SLC5A4: variants seen among roughly 807,000 people sequenced by gnomAD.
The protein encoded by SLC5A4 is probable glucose sensor protein SLC5A4.
In SLC5A4, 55 loss-of-function variants were observed where a neutral mutation model predicts 70.3. That is an observed-to-expected ratio of 0.78 (90% CI 0.63 to 0.98). The LOEUF (loss-of-function observed/expected upper bound fraction) is 0.98, where lower values mean the gene tolerates loss of function less well. SLC5A4 is among the 50% of genes least tolerant of loss of function. The pLI, the probability that SLC5A4 is intolerant of heterozygous loss-of-function variation, is 0.00. For missense variants in SLC5A4, 735 were observed against 839.2 expected, an observed-to-expected ratio of 0.88 and a Z score of 1.53; for synonymous variants, 268 against 305.7, an observed-to-expected ratio of 0.88 and a Z score of 1.29.
chr22:32,337,880 A>C, the SLC5A4 span, among the ~76,000 whole-genome samples: 1 of 151,708 alleles, frequency 6.6e-6, no homozygotes, highest in Non-Finnish European at 1.5e-5. Context: ...CAAAAGAACT[A>C]AGAAGTGATA....
At chr22:32,249,199 G>A (rs906274518) in intron 3 of SLC5A4, among the ~76,000 whole-genome samples, 2 of 152,186 alleles carry the variant, frequency 1.3e-5, no homozygotes, top group Non-Finnish European at 2.9e-5. Context: ...ATACAGTGAC[G>A]ATAATAATAT....
the SLC5A4 span, among the ~76,000 whole-genome samples, chr22:32,261,186 C>T: frequency 8.6e-4 from 131 of 152,332 alleles, no homozygotes; most frequent in African/African-American, 3.0e-3. Flanking sequence ...ACTCCTCTCC[C>T]GTTTGGTCAG....
At chr22:32,275,108 GCTCT>G in the SLC5A4 span, among the ~76,000 whole-genome samples, 1 of 152,038 alleles carries the variant, frequency 6.6e-6, no homozygotes, top group Non-Finnish European at 1.5e-5. Flanking sequence ...TACACTAATG[GCTCT>G]CTCTGTGTCT....
the SLC5A4 span, among the ~76,000 whole-genome samples, chr22:32,294,049 CTT>C: frequency 1.1e-3 from 168 of 151,448 alleles, no homozygotes; most frequent in African/African-American, 3.7e-3. Context: ...AAGGTTTTCT[CTT>C]TGTCTTCTAC....
In SLC5A4 at chr22:32,237,229, AGG is replaced by A; in HGVS notation, c.664+13_664+14del. ...TTTCCAGGCCCTGGGCACTGCACGC[AGG>A]GTCATCACTTACCAAACCCCATGAG... is the stretch of plus-strand genomic sequence containing the variant. On this transcript the variant is annotated intron_variant, in intron 7 of 14. Coordinates refer to ENST00000266086, the MANE Select transcript of SLC5A4 (RefSeq NM_014227.3). 1 of 1,590,502 alleles carries A rather than the reference AGG, an allele frequency of 6.3e-7. No individual in the cohort carries two copies. The highest frequency in any genetic ancestry group is 8.6e-7 in the Non-Finnish European group (1 of 1,162,874).
At chr22:32,338,307 G>A in the SLC5A4 span, among the ~76,000 whole-genome samples, 2 of 151,832 alleles carry the variant, frequency 1.3e-5, no homozygotes, top group African/African-American at 2.4e-5. Context: ...ACTCACGAGA[G>A]GAAATACAGT....
the SLC5A4 span, among the ~76,000 whole-genome samples, chr22:32,305,276 G>A: frequency 6.6e-6 from 1 of 151,996 alleles, no homozygotes; most frequent in Non-Finnish European, 1.5e-5. Flanking sequence ...AAGTGTGGCT[G>A]TGTGAAGACA....
the SLC5A4 span, chr22:32,271,975 T>C: frequency 1.5e-5 from 9 of 600,666 alleles, no homozygotes; most frequent in East Asian, 1.0e-4. Context: ...TTTGAGACCA[T>C]TGAGAGAGAT....
chr22:32,281,032 G>A, the SLC5A4 span, among the ~76,000 whole-genome samples: 1 of 152,122 alleles, frequency 6.6e-6, no homozygotes, highest in Non-Finnish European at 1.5e-5. Context: ...CACCCAGAAG[G>A]AAAAGGCTGT....
At chr22:32,236,433 T>C (rs533744910) in intron 7 of SLC5A4, among the ~76,000 whole-genome samples, 144 of 152,182 alleles carry the variant, frequency 9.5e-4, no homozygotes, top group Non-Finnish European at 1.5e-3. Flanking sequence ...CATAATGAGG[T>C]TATGGATGTT....
At chr22:32,337,230 A>AC in the SLC5A4 span, among the ~76,000 whole-genome samples, 3 of 152,202 alleles carry the variant, frequency 2.0e-5, no homozygotes, top group African/African-American at 7.2e-5. Context: ...GTCCCTGGAA[A>AC]CATTAGGTTG....
At chr22:32,312,790 C>G in the SLC5A4 span, among the ~76,000 whole-genome samples, 14 of 152,068 alleles carry the variant, frequency 9.2e-5, no homozygotes, top group Non-Finnish European at 1.6e-4. Flanking sequence ...GATCTCATCT[C>G]CCCCATCCTG....
intron 5 of SLC5A4, among the ~76,000 whole-genome samples, chr22:32,243,504 T>C (rs1420690546): frequency 1.3e-5 from 2 of 152,202 alleles, no homozygotes; most frequent in African/African-American, 2.4e-5. Context: ...ATAATTCCAA[T>C]TGGTTTTGCA....
intron 6 of SLC5A4, 57 bp downstream of exon 6, chr22:32,238,928 G>A: frequency 8.6e-7 from 1 of 1,168,742 alleles, no homozygotes; most frequent in Non-Finnish European, 1.3e-6. Context: ...CTAATTGCAG[G>A]TTGGGGTGGG....
At chr22:32,328,272 A>G in the SLC5A4 span, among the ~76,000 whole-genome samples, 7 of 152,110 alleles carry the variant, frequency 4.6e-5, no homozygotes, top group Non-Finnish European at 1.0e-4. Context: ...GACAGCCTCC[A>G]AAGAATCCAC....
At chr22:32,301,682 G>A in the SLC5A4 span, among the ~76,000 whole-genome samples, 2 of 152,120 alleles carry the variant, frequency 1.3e-5, no homozygotes, top group African/African-American at 4.8e-5. Flanking sequence ...ACATTTATAT[G>A]GAAATGCAAG....
intron 1 of SLC5A4, among the ~76,000 whole-genome samples, chr22:32,254,672 C>T (rs775032681): frequency 3.3e-5 from 5 of 151,962 alleles, no homozygotes; most frequent in African/African-American, 2.4e-5. Flanking sequence ...GGCGTGGTGG[C>T]GCATGCCTGT....
Position 32,247,495 on chromosome 22 carries a change from A to C in SLC5A4, c.393T>G (p.Tyr131Ter), listed in dbSNP as rs757244102. The C allele has an allele frequency of 1.9e-6, 3 of 1,613,084 alleles. No individual in the cohort carries two copies. The highest frequency in any genetic ancestry group is 2.5e-6 in the Non-Finnish European group (3 of 1,179,042). ...GCTCCCCACCAAACCGCTTCTTGAG[A>C]TATTCCGGCATGGTCATCACCTGCA... ...IKSGVMTMPE[Y>*]LKKRFGGERL... is the part of the protein sequence containing the mutation. The change falls in exon 5 of 15, where the codon TAT (tyrosine) becomes TAG (stop). Residue 131 changes from tyrosine to a stop codon, truncating the protein, a stop_gained. Coordinates refer to ENST00000266086, the MANE Select transcript of SLC5A4 (RefSeq NM_014227.3). LOFTEE classifies it high-confidence loss of function.
At chr22:32,304,249 C>T in the SLC5A4 span, among the ~76,000 whole-genome samples, 2 of 152,186 alleles carry the variant, frequency 1.3e-5, no homozygotes, top group Non-Finnish European at 1.5e-5. Context: ...GCCTCAGCCT[C>T]CCAAATAGCT....
Sources: gnomAD v4.1 joint callset for allele counts (sites outside exome capture counted in the v4.1 genomes callset) on GRCh38, gnomAD v4.1.1 for gene constraint, MANE v1.5 for transcripts, NCBI Gene and HGNC (gene_info 2026-07-23, HGNC 2026-07-21) for gene names.